The following PCNX3 variants were observed in gnomAD, a reference collection of about 807,000 sequenced individuals.
The protein encoded by PCNX3 is pecanex-like protein 3.
PCNX3 carries 58 observed loss-of-function variants against 207.2 expected under a neutral mutation model. That is an observed-to-expected ratio of 0.28 (90% CI 0.23 to 0.35). PCNX3 has a LOEUF of 0.35. Ranked by LOEUF, PCNX3 falls within the 10% of genes least tolerant of loss-of-function variation. PCNX3 has a pLI of 1.00. For missense variants in PCNX3, 2,410 were observed against 2,774.4 expected (o/e 0.87, Z 2.95); for synonymous variants, 1,337 against 1,183.5 (o/e 1.13, Z -2.66).
At chr11:65,617,737 G>T in intron 5 of PCNX3, 31 bp downstream of exon 5, 1 of 1,548,130 alleles carries the variant, frequency 6.5e-7, no homozygotes, top group South Asian at 1.2e-5. Flanking sequence ...CGAGGCTTGT[G>T]GGCTAGACCA....
intron 2 of PCNX3, 97 bp from the exon 3 acceptor site, chr11:65,617,153 A>C (rs1854781244): frequency 1.4e-6 from 2 of 1,413,362 alleles, no homozygotes; most frequent in African/African-American, 2.9e-5. Context: ...TGGAATTGTA[A>C]AGTGACTTCT....
At chr11:65,632,511 G>A (rs1054301207) in intron 27 of PCNX3, among the ~76,000 whole-genome samples, 5 of 143,496 alleles carry the variant, frequency 3.5e-5, no homozygotes, top group African/African-American at 7.7e-5. Context: ...AAAAGGCACC[G>A]TGGCTTGAGG....
chr11:65,629,490 G>C (rs1479450039), intron 25 of PCNX3, 30 bp from the exon 26 acceptor site: 5 of 1,612,612 alleles, frequency 3.1e-6, no homozygotes, highest in Middle Eastern at 1.7e-4. Flanking sequence ...TTGTCACTTT[G>C]TCCATTTGCC....
Position 65,618,849 on chromosome 11 carries a change from G to A in PCNX3, c.1487G>A (p.Ser496Asn). ...YGTQRTPSTA[S>N]AKTHARVLSM... Reference sequence around the variant, plus strand: ...ACCCAGCGGACGCCTAGTACCGCCAGCGCTAAAACACATGCCCGTGTGCTG... The same window carrying A: ...ACCCAGCGGACGCCTAGTACCGCCAACGCTAAAACACATGCCCGTGTGCTG... Residue 496 changes from serine (S) to asparagine (N), a missense_variant, in exon 6 of 35, where the codon AGC (serine) becomes AAC (asparagine). This residue lies in a region of PCNX3 where 1,104 missense variants were observed against 970.3 expected (regional missense o/e 1.14). Coordinates refer to ENST00000355703, the MANE Select transcript of PCNX3 (RefSeq NM_032223.4). 6.2e-7 allele frequency: 1 copy of A among 1,611,140 alleles called. No homozygotes were observed. Among genetic ancestry groups the A allele is most frequent in the Non-Finnish European group, 8.5e-7 (1 of 1,179,232 alleles).
chr11:65,617,580 C>G, intron 4 of PCNX3, 31 bp from the exon 5 acceptor site: 1 of 1,613,310 alleles, frequency 6.2e-7, no homozygotes. Flanking sequence ...GCCAGGGGGT[C>G]CTGCTGACAC....
Position 65,620,898 on chromosome 11 carries a change from C to G in PCNX3, c.2167C>G (p.Leu723Val). 6.4e-7 allele frequency: 1 copy of G among 1,569,460 alleles called. No individual in the cohort carries two copies. Among genetic ancestry groups the G allele is most frequent in the African/African-American group, 1.4e-5 (1 of 73,764 alleles). Residue 723 changes from leucine (L) to valine (V), a missense_variant, in exon 10 of 35, where the codon CTG becomes GTG. Leu to Val is a conservative substitution (Grantham distance 32). Transcript: ENST00000355703. ...DVPEATGGLN[L>V]LQPRPVVLQG... The stretch of plus-strand genomic sequence containing the variant: ...CCCTGAGGCTACAGGCGGCCTGAAC[C>G]TGCTGCAGCCGAGGCCTGTGGTTCT...
In PCNX3 at chr11:65,616,837, G is replaced by A. The variant is rs1350029495; in HGVS notation, c.167G>A (p.Ser56Asn). The change falls in exon 2 of 35, where the codon AGC (serine) becomes AAC (asparagine). Residue 56 changes from serine (S) to asparagine (N), a missense_variant. By Grantham distance (46) the Ser-to-Asn change is conservative. Coordinates refer to ENST00000355703, the MANE Select transcript of PCNX3 (RefSeq NM_032223.4). ...TTTCATCTTCAGGTCCTGCCTCCCAGCTTGATGGTGGCCGGCGTGTACTGC... is the reference window on the plus strand; with the variant it reads ...TTTCATCTTCAGGTCCTGCCTCCCAACTTGATGGTGGCCGGCGTGTACTGC... ...PFLLYMVLPP[S>N]LMVAGVYCLV... 1 of 1,612,078 alleles carries A rather than the reference G, an allele frequency of 6.2e-7. No individual in the cohort carries two copies. The highest frequency in any genetic ancestry group is 8.5e-7 in the Non-Finnish European group (1 of 1,178,544).
chr11:65,631,131 G>A (rs766493316), intron 27 of PCNX3, among the ~76,000 whole-genome samples: 7 of 152,190 alleles, frequency 4.6e-5, no homozygotes, highest in Non-Finnish European at 7.3e-5. Flanking sequence ...GCCAGGCCTT[G>A]AACCCAGGCT....
chr11:65,623,948 C>T lies in PCNX3; in HGVS notation c.2531C>T (p.Ala844Val). 1 of 1,612,152 alleles carries T rather than the reference C, an allele frequency of 6.2e-7. No individual in the cohort carries two copies. The highest frequency in any genetic ancestry group is 8.5e-7 in the Non-Finnish European group (1 of 1,179,876). The change falls in exon 13 of 35, where the codon GCG becomes GTG. Residue 844 changes from alanine to valine, a missense_variant. By Grantham distance (64) the Ala-to-Val change is moderately conservative. This residue lies in a region of PCNX3 where 177 missense variants were observed against 257.5 expected (regional missense o/e 0.69). Transcript: ENST00000355703. ...TTCCAGAGCGTGCAGCCTGATGCGGCGTCCCCCATGCACGTGAGTACCCAT... is the reference window on the plus strand; with the variant it reads ...TTCCAGAGCGTGCAGCCTGATGCGGTGTCCCCCATGCACGTGAGTACCCAT... ...SLLKSVQPDA[A>V]SPMHGHNWVI...
rs1009207868 is a variant in PCNX3, at chr11:65,637,135, C to T, written c.*157C>T. The stretch of plus-strand genomic sequence containing the variant: ...GAGTACCAAAACTGAGTGACCCAGA[C>T]CTCTGACCTTGACCCCTGATCTCTC... On this transcript the variant is annotated 3_prime_UTR_variant, in exon 35 of 35. Transcript: ENST00000355703. 41 of 782,148 alleles carry T rather than the reference C, an allele frequency of 5.2e-5. No homozygotes were observed. Among genetic ancestry groups the T allele is most frequent in the Admixed American group, 4.5e-4 (17 of 37,496 alleles). 48.5% of individuals were successfully genotyped at this position (782,148 alleles called of 1,614,324 possible). A position where few individuals can be genotyped will look rare whatever the true frequency, so the allele number is the denominator to read the frequency against.
At chr11:65,628,453 C>A in intron 22 of PCNX3, 142 bp from the exon 23 acceptor site, 1 of 741,622 alleles carries the variant, frequency 1.3e-6, no homozygotes, top group Non-Finnish European at 2.2e-6. Flanking sequence ...GTCCAGAGCA[C>A]AAGGGCTGGC....
At chr11:65,620,453 C>T (rs768544806) in intron 9 of PCNX3, 24 bp downstream of exon 9, 1 of 1,606,298 alleles carries the variant, frequency 6.2e-7, no homozygotes, top group East Asian at 2.2e-5. Flanking sequence ...CCTGGCCTCC[C>T]AAGCCATTGT....
In PCNX3 at chr11:65,636,786, C is replaced by T; in HGVS notation, c.5913C>T (p.Leu1971=). 7 of 1,540,092 alleles carry T rather than the reference C, an allele frequency of 4.5e-6. 1 individual carries two copies. Among genetic ancestry groups the T allele is most frequent in the Admixed American group, 3.9e-5 (2 of 50,656 alleles). ...CCCAGGCGCCTCTAGACCTCAGCCT[C>T]AGCCTCAGCCTCAGCCTCAGCCCCG... ...PKSQAPLDLS[L]SLSLSLSPDV... is the part of the protein sequence containing the mutation. Residue 1971 remains leucine (L), a synonymous_variant, in exon 35 of 35, where the codon CTC becomes CTT. Transcript: ENST00000355703.
rs139525592 is a variant in PCNX3 at position 65,617,188 on chromosome 11, G to A, written c.342-62G>A. On this transcript the variant is annotated intron_variant, in intron 2 of 34. Coordinates refer to ENST00000355703, the MANE Select transcript of PCNX3 (RefSeq NM_032223.4). ...TGAAAAAGAAGCAGTGACAAAGATG[G>A]GAGGAAGTAGCATACACAGAGGAGA... The A allele has an allele frequency of 5.4e-4, 791 of 1,476,442 alleles. 5 individuals carry two copies. In the African/African-American group the frequency reaches 0.01, roughly 19 times the overall value. The allele number at this position is 1,476,442 out of a possible 1,614,324, so 91.5% of individuals were successfully genotyped here.
intron 11 of PCNX3, among the ~76,000 whole-genome samples, chr11:65,623,010 A>T (rs1855191187): frequency 6.6e-6 from 1 of 152,082 alleles, no homozygotes; most frequent in African/African-American, 2.4e-5. Context: ...CTCAGAGGGG[A>T]CACAGAGTCC....
intron 29 of PCNX3, 145 bp downstream of exon 29, chr11:65,634,786 C>T: frequency 8.4e-7 from 1 of 1,192,448 alleles, no homozygotes. Context: ...GGGCAGGGCA[C>T]TTCCTGGTCA....
At chr11:65,624,886 G>A (rs76812270) in intron 15 of PCNX3, 39 bp from the exon 16 acceptor site, 52,906 of 1,570,684 alleles carry the variant, frequency 0.034, 1,010 homozygotes, top group Non-Finnish European at 0.04. Context: ...TGGGGTACCT[G>A]CAAGTGAGAG....
chr11:65,618,106 G>C lies in PCNX3; in HGVS notation c.744G>C (p.Glu248Asp), dbSNP rs751583849. The change falls in exon 6 of 35, where the codon GAG becomes GAC. Residue 248 changes from glutamate (E) to aspartate (D), a missense_variant. Glu to Asp is a conservative substitution (Grantham distance 45). Coordinates refer to ENST00000355703, the MANE Select transcript of PCNX3 (RefSeq NM_032223.4). ...SPLLKGSLSQ[E>D]LSKSFLTLTQ... ...TGCTGAAGGGGAGCCTCAGCCAGGA[G>C]CTGAGCAAGAGCTTCCTGACCCTGA... is the stretch of plus-strand genomic sequence containing the variant. The C allele has an allele frequency of 3.7e-6, 6 of 1,610,852 alleles. No homozygotes were observed. The South Asian group carries it at 4.4e-5, about 12-fold the overall frequency.
chr11:65,635,295 G>T lies in PCNX3; in HGVS notation c.5031G>T (p.Leu1677=). ...CCATTGCGGCCAACGAGGAGCGGCT[G>T]GTCATCTCACATGAGGGTGACCCAG... ...YDAIAANEER[L]VISHEGDPAW... The change falls in exon 31 of 35, where the codon CTG becomes CTT. Residue 1677 remains leucine, a synonymous_variant. Coordinates refer to ENST00000355703, the MANE Select transcript of PCNX3 (RefSeq NM_032223.4). The surrounding 1 kb of genome is among the most constrained non-coding windows in gnomAD (Gnocchi z 9.9). 1 of 1,596,616 alleles carries T rather than the reference G, an allele frequency of 6.3e-7. No homozygotes were observed. The highest frequency in any genetic ancestry group is 8.5e-7 in the Non-Finnish European group (1 of 1,172,542).
Sources: gnomAD v4.1 joint callset for allele counts (sites outside exome capture counted in the v4.1 genomes callset) on GRCh38, gnomAD v4.1.1 for gene constraint, gnomAD v4.1.1 regional missense constraint, Gnocchi (gnomAD v3.1) non-coding constraint, MANE v1.5 for transcripts, NCBI Gene and HGNC (gene_info 2026-07-23, HGNC 2026-07-21) for gene names.